The following TENM2 variants were observed in gnomAD, a reference collection of about 807,000 sequenced individuals.
The protein encoded by TENM2 is teneurin-2.
TENM2 carries 52 observed loss-of-function variants against 245.2 expected under a neutral mutation model. That is an observed-to-expected ratio of 0.21 (90% confidence interval 0.17 to 0.27). The LOEUF (loss-of-function observed/expected upper bound fraction) is 0.27. TENM2 is among the 10% of genes least tolerant of loss of function. The probability of loss-of-function intolerance (pLI) is 1.00; values close to 1 mark genes in which losing one functional copy is unlikely to be tolerated. For synonymous variants in TENM2, 1,363 were observed against 1,438.9 expected (o/e 0.95, Z 1.19); for missense variants, 3,046 against 3,666.8 (o/e 0.83, Z 4.37).
intron 1 of TENM2, among the ~76,000 whole-genome samples, chr5:167,359,675 G>A (rs1196290285): frequency 6.6e-6 from 1 of 152,124 alleles, no homozygotes; most frequent in Admixed American, 6.5e-5. Context: ...TGCCTAGGTT[G>A]CCTTCCAGGG....
chr5:168,137,389 A>G (rs2152391042), intron 12 of TENM2, among the ~76,000 whole-genome samples: 1 of 152,372 alleles, frequency 6.6e-6, no homozygotes, highest in South Asian at 2.1e-4. Context: ...AGCCCTGTCT[A>G]GGTGTCTAGA....
At chr5:168,005,692 C>G (rs965414694) in intron 5 of TENM2, among the ~76,000 whole-genome samples, 1 of 152,058 alleles carries the variant, frequency 6.6e-6, no homozygotes, top group Non-Finnish European at 1.5e-5. Flanking sequence ...GAGAGACCCC[C>G]AACATGAAAA....
At chr5:168,111,622 T>A (rs1361375221) in intron 9 of TENM2, among the ~76,000 whole-genome samples, 1 of 152,062 alleles carries the variant, frequency 6.6e-6, no homozygotes, top group Non-Finnish European at 1.5e-5. Flanking sequence ...GATGCCAAGG[T>A]CAACAGACTT....
At chr5:167,372,551 A>G (rs145042674) in intron 1 of TENM2, among the ~76,000 whole-genome samples, 46 of 152,328 alleles carry the variant, frequency 3.0e-4, no homozygotes, top group African/African-American at 1.1e-3. Context: ...CTAGTTCTAG[A>G]TAATGAGATG....
chr5:168,241,615 A>C (rs960440212), intron 25 of TENM2, among the ~76,000 whole-genome samples: 2 of 151,962 alleles, frequency 1.3e-5, no homozygotes, highest in African/African-American at 4.8e-5. Context: ...CCTCTCTCTG[A>C]GATGACCTTA....
At chr5:167,925,877 C>G (rs1383466214) in intron 3 of TENM2, among the ~76,000 whole-genome samples, 2 of 152,184 alleles carry the variant, frequency 1.3e-5, no homozygotes, top group Non-Finnish European at 2.9e-5. Flanking sequence ...ATCACATGTT[C>G]TCACTTATAA....
chr5:167,856,090 G>A (rs1771073239), intron 2 of TENM2, among the ~76,000 whole-genome samples: 1 of 152,108 alleles, frequency 6.6e-6, no homozygotes, highest in Non-Finnish European at 1.5e-5. Context: ...CACTTAGGCT[G>A]GGTACAAACT....
chr5:167,084,118 CA>C, the TENM2 span, among the ~76,000 whole-genome samples: 251 of 151,086 alleles, frequency 1.7e-3, no homozygotes, highest in African/African-American at 5.7e-3. Flanking sequence ...ATGGTAGTGA[CA>C]TTTTTTTTTT....
chr5:167,355,060 TCTTA>T (rs1426084035), intron 1 of TENM2, among the ~76,000 whole-genome samples: 7 of 152,204 alleles, frequency 4.6e-5, no homozygotes, highest in Non-Finnish European at 8.8e-5. Flanking sequence ...TTTCTGTTTA[TCTTA>T]CTTATTAGCT....
At chr5:167,780,723 T>C (rs914932622) in intron 2 of TENM2, among the ~76,000 whole-genome samples, 3 of 152,194 alleles carry the variant, frequency 2.0e-5, no homozygotes, top group Non-Finnish European at 4.4e-5. Flanking sequence ...AGCTATGTAA[T>C]AATTAATTGA....
chr5:168,094,721 C>T (rs1016401633), intron 8 of TENM2, among the ~76,000 whole-genome samples: 4 of 151,820 alleles, frequency 2.6e-5, no homozygotes, highest in Non-Finnish European at 5.9e-5. Context: ...TCATAAGGAG[C>T]ATGCAACCCA....
chr5:167,686,947 G>A (rs1179936862), intron 2 of TENM2, among the ~76,000 whole-genome samples: 6 of 152,152 alleles, frequency 3.9e-5, no homozygotes, highest in Admixed American at 3.3e-4. Flanking sequence ...GAGGAGCATC[G>A]TCCAAAACAG....
At chr5:167,819,138 G>C (rs1004044608) in intron 2 of TENM2, among the ~76,000 whole-genome samples, 4 of 152,168 alleles carry the variant, frequency 2.6e-5, no homozygotes, top group Middle Eastern at 3.4e-3. Flanking sequence ...GGGAAGTCCT[G>C]CTTCTTCCTG....
intron 2 of TENM2, among the ~76,000 whole-genome samples, chr5:167,853,499 G>C (rs1371874278): frequency 6.6e-6 from 1 of 151,934 alleles, no homozygotes; most frequent in Non-Finnish European, 1.5e-5. Flanking sequence ...GGCTCAGTTT[G>C]AGAAGAGGAA....
At chr5:167,094,553 G>A in the TENM2 span, among the ~76,000 whole-genome samples, 1 of 152,220 alleles carries the variant, frequency 6.6e-6, no homozygotes, top group Middle Eastern at 3.4e-3. Flanking sequence ...GTCACTACTT[G>A]ATGTCTAAAT....
At chr5:168,169,264 G>T (rs1268009740) in intron 13 of TENM2, among the ~76,000 whole-genome samples, 5 of 152,192 alleles carry the variant, frequency 3.3e-5, no homozygotes, top group Non-Finnish European at 1.5e-5. Flanking sequence ...GGCTCTTCAG[G>T]TCACTAGCAG....
chr5:167,589,441 C>T (rs1775731330), intron 2 of TENM2, among the ~76,000 whole-genome samples: 1 of 152,128 alleles, frequency 6.6e-6, no homozygotes. Flanking sequence ...TAAGTGTGAA[C>T]TGTGTAGAGC....
chr5:167,468,524 G>A lies in TENM2; in HGVS notation c.502+93051G>A, dbSNP rs550461163. On this transcript the variant is annotated intron_variant, in intron 2 of 28. Transcript: ENST00000518659. ...AATACATTTACATATATTTTTGATA[G>A]CAAGAATAATGTGCCTATGAGGGCA... Among the ~76,000 whole-genome samples, 4 of 152,298 alleles carry A rather than the reference G, an allele frequency of 2.6e-5. No individual in the cohort carries two copies. In the South Asian group the frequency reaches 6.2e-4, roughly 24 times the overall value.
intron 9 of TENM2, among the ~76,000 whole-genome samples, chr5:168,115,012 G>A (rs908059051): frequency 1.3e-5 from 2 of 151,924 alleles, no homozygotes; most frequent in African/African-American, 2.4e-5. Flanking sequence ...AAAATAATTC[G>A]GTCAGGCACG....
Sources: gnomAD v4.1 joint callset for allele counts (sites outside exome capture counted in the v4.1 genomes callset) on GRCh38, gnomAD v4.1.1 for gene constraint, MANE v1.5 for transcripts, NCBI Gene and HGNC (gene_info 2026-07-23, HGNC 2026-07-21) for gene names.